Variants in TPCN1 observed in about 807,000 individuals in gnomAD.
TPCN1 encodes the protein two pore segment channel 1.
In TPCN1, 52 loss-of-function variants were observed where a neutral mutation model predicts 108.8. That is an observed-to-expected ratio of 0.48 (90% confidence interval 0.38 to 0.60). TPCN1 has a LOEUF of 0.60. Among genes scored for constraint, TPCN1 ranks in the 20% least tolerant of loss-of-function variants. The pLI, the probability that TPCN1 is intolerant of heterozygous loss-of-function variation, is 0.00. For synonymous variants in TPCN1, 446 were observed against 433.7 expected, an observed-to-expected ratio of 1.03 and a Z score of -0.35; for missense variants, 806 against 1,072.8, an observed-to-expected ratio of 0.75 and a Z score of 3.47.
intron 10 of TPCN1, among the ~76,000 whole-genome samples, chr12:113,274,611 T>G (rs1955612794): frequency 6.6e-6 from 1 of 152,210 alleles, no homozygotes; most frequent in South Asian, 2.1e-4. Flanking sequence ...GAAGGCCAAG[T>G]ATATTATAAT....
Position 113,260,429 on chromosome 12 carries a change from T to C in TPCN1, c.174T>C (p.Ser58=), listed in dbSNP as rs753930009. The C allele has an allele frequency of 1.2e-5, 18 of 1,552,940 alleles. No individual in the cohort carries two copies. Among genetic ancestry groups the C allele is most frequent in the East Asian group, 2.6e-5 (1 of 38,254 alleles). The change falls in exon 3 of 28, where the codon AGT becomes AGC. Residue 58 remains serine (S), a synonymous_variant. Transcript: ENST00000335509. Reference sequence around the variant, plus strand: ...CCAGTCTCAGCTCTGGGGGTGAGAGTTCCCCCTCCAGCCCCGCACACAACT... The same window carrying C: ...CCAGTCTCAGCTCTGGGGGTGAGAGCTCCCCCTCCAGCCCCGCACACAACT... The part of the protein sequence containing the change: ...QAPSLSSGGE[S]SPSSPAHNWE...
chr12:113,288,115 T>A lies in TPCN1; in HGVS notation c.1635-48T>A. 2 of 1,557,742 alleles carry A rather than the reference T, an allele frequency of 1.3e-6. No individual in the cohort carries two copies. Among genetic ancestry groups the A allele is most frequent in the Non-Finnish European group, 1.8e-6 (2 of 1,138,010 alleles). On this transcript the variant is annotated intron_variant, in intron 19 of 27. Transcript: ENST00000335509. This position sits in a 1 kb window ranked among gnomAD's most constrained non-coding sequence, Gnocchi z 4.8. ...GCCGGCATGTTCTGAGGGCGGGGGCTGAGGCGTGCACCTGTGTGTGGAGGT... is the reference window on the plus strand; with the variant it reads ...GCCGGCATGTTCTGAGGGCGGGGGCAGAGGCGTGCACCTGTGTGTGGAGGT...
rs758282671 is a variant in TPCN1, at chr12:113,288,801, G to A, written c.1750G>A (p.Val584Met). The A allele has an allele frequency of 4.1e-5, 66 of 1,613,362 alleles. No homozygotes were observed. Among genetic ancestry groups the A allele is most frequent in the East Asian group, 8.9e-5 (4 of 44,900 alleles). ...CATCTTTTACTACTCCTTCGCCATC[G>A]TGGGCATGGAGTTCTTCTGCGGGAT... ...LLIFYYSFAI[V>M]GMEFFCGIVF... Residue 584 changes from valine to methionine, a missense_variant, in exon 21 of 28, where the codon GTG becomes ATG. By Grantham distance (21) the Val-to-Met change is conservative (BLOSUM62 1). Transcript: ENST00000335509. This position sits in a 1 kb window ranked among gnomAD's most constrained non-coding sequence, Gnocchi z 4.8.
At chr12:113,240,187 T>C in intron 2 of TPCN1, among the ~76,000 whole-genome samples, 1 of 152,234 alleles carries the variant, frequency 6.6e-6, no homozygotes, top group East Asian at 1.9e-4. Flanking sequence ...CCAGCCTAGT[T>C]GGCCCATTTG....
intron 2 of TPCN1, among the ~76,000 whole-genome samples, chr12:113,236,684 C>T (rs966199481): frequency 4.6e-5 from 7 of 151,880 alleles, no homozygotes; most frequent in African/African-American, 1.7e-4. Context: ...CAGAGACTAG[C>T]ATGCTGGGGG....
intron 2 of TPCN1, among the ~76,000 whole-genome samples, chr12:113,228,822 A>C (rs1364715914): frequency 6.6e-6 from 1 of 152,154 alleles, no homozygotes; most frequent in Non-Finnish European, 1.5e-5. Context: ...AAGGGATGAA[A>C]GTGATTGTGG....
intron 14 of TPCN1, among the ~76,000 whole-genome samples, chr12:113,279,524 G>A (rs748863142): frequency 6.9e-6 from 1 of 144,810 alleles, no homozygotes. Context: ...TCAGCCTCCC[G>A]AGTAGCTGGG....
In TPCN1 at chr12:113,232,612, G is replaced by T. The variant is rs998346875; in HGVS notation, c.112+5648G>T. 6.6e-6 allele frequency among the ~76,000 whole-genome samples: 1 copy of T among 152,248 alleles called. No homozygotes were observed. The highest frequency in any genetic ancestry group is 2.1e-4 in the South Asian group (1 of 4,832). Reference sequence around the variant, plus strand: ...TTTGTCACTTGTGATACCATGGTGAGTGGAGTGGTTGAGCTGAGTATAGTG... The same window carrying T: ...TTTGTCACTTGTGATACCATGGTGATTGGAGTGGTTGAGCTGAGTATAGTG... On this transcript the variant is annotated intron_variant, in intron 2 of 27. Transcript: ENST00000335509. This position sits in a 1 kb window ranked among gnomAD's most constrained non-coding sequence, Gnocchi z 5.6.
In TPCN1 at chr12:113,273,496, T is replaced by A; in HGVS notation, c.843-73T>A. The A allele has an allele frequency of 7.4e-7, 1 of 1,356,420 alleles. No individual in the cohort carries two copies. The highest frequency in any genetic ancestry group is 1.1e-6 in the Non-Finnish European group (1 of 945,608). The allele number at this position is 1,356,420 out of a possible 1,614,324, so 84.0% of individuals were successfully genotyped here. On this transcript the variant is annotated intron_variant, in intron 9 of 27. Transcript: ENST00000335509. This position sits in a 1 kb window ranked among gnomAD's most constrained non-coding sequence, Gnocchi z 4.0. The stretch of plus-strand genomic sequence containing the variant: ...TGGGAAGGCAGACAAGGAGCTGTCC[T>A]CTGCAAGGCATGTGCTCTGAGAGGA...
chr12:113,221,864 CCAGGGGCTGGGAG>C (rs1953244129), intron 1 of TPCN1, among the ~76,000 whole-genome samples: 1 of 152,166 alleles, frequency 6.6e-6, no homozygotes, highest in Non-Finnish European at 1.5e-5. Context: ...GGGCTCCCAG[CCAGGGGCTGGGAG>C]CACGTGGAGC....
At chr12:113,285,018 G>A (rs1248923974) in intron 17 of TPCN1, among the ~76,000 whole-genome samples, 3 of 152,186 alleles carry the variant, frequency 2.0e-5, no homozygotes, top group Non-Finnish European at 4.4e-5. Context: ...GTTTGCCAGC[G>A]CCGTGTCCCC....
intron 2 of TPCN1, among the ~76,000 whole-genome samples, chr12:113,229,941 AC>A (rs1328233417): frequency 6.6e-6 from 1 of 151,860 alleles, no homozygotes; most frequent in Non-Finnish European, 1.5e-5. Context: ...TTCTTGCTTG[AC>A]CAGTCCCATT....
In TPCN1 at chr12:113,293,430, TGAGTA is replaced by T. The variant is rs1956333029; in HGVS notation, c.2334+85_2334+89del. On this transcript the variant is annotated intron_variant, in intron 27 of 27. Coordinates refer to ENST00000335509, the MANE Select transcript of TPCN1 (RefSeq NM_017901.6). The stretch of plus-strand genomic sequence containing the variant: ...GGCAGGGAGCTGCTCTCTGGCCCTC[TGAGTA>T]GAGGGAGAAGGCTGGTAGAGAGATG... 3.8e-6 allele frequency: 5 copies of T among 1,319,706 alleles called. 1 individual carries two copies. In the South Asian group the frequency reaches 5.9e-5, roughly 16 times the overall value. 81.7% of individuals were successfully genotyped at this position (1,319,706 alleles called of 1,614,324 possible).
chr12:113,293,378 T>C (rs769772692), intron 27 of TPCN1, 29 bp downstream of exon 27: 1 of 1,606,346 alleles, frequency 6.2e-7, no homozygotes, highest in South Asian at 1.1e-5. Context: ...ACGCTGCGAA[T>C]CCTCCCCCAA....
In TPCN1 at chr12:113,288,011, T is replaced by G. The variant is rs1417096307; in HGVS notation, c.1635-152T>G. On this transcript the variant is annotated intron_variant, in intron 19 of 27. Transcript: ENST00000335509. The surrounding 1 kb of genome is among the most constrained non-coding windows in gnomAD (Gnocchi z 4.8). Reference sequence around the variant, plus strand: ...TGAATCACCTGAGCCCAGCTCAGGGTTGGTGGCGCCCAAGGGAGTGGACGC... The same window carrying G: ...TGAATCACCTGAGCCCAGCTCAGGGGTGGTGGCGCCCAAGGGAGTGGACGC... 6 of 683,858 alleles carry G rather than the reference T, an allele frequency of 8.8e-6. No homozygotes were observed. Among genetic ancestry groups the G allele is most frequent in the Admixed American group, 5.9e-5 (2 of 33,664 alleles). The allele number at this position is 683,858 out of a possible 1,614,324, so 42.4% of individuals were successfully genotyped here.
intron 18 of TPCN1, 47 bp downstream of exon 18, chr12:113,286,008 T>C (rs1439865834): frequency 1.3e-6 from 2 of 1,536,912 alleles, no homozygotes; most frequent in Non-Finnish European, 1.8e-6. Context: ...CTCTTGAGGA[T>C]GGCCCCAGAC....
At chr12:113,260,663 G>T (rs1001194460) in intron 3 of TPCN1, among the ~76,000 whole-genome samples, 171 bp downstream of exon 3, 2 of 152,126 alleles carry the variant, frequency 1.3e-5, no homozygotes, top group African/African-American at 4.8e-5. Flanking sequence ...TGCTCATAGG[G>T]GAAAACTGCT....
At chr12:113,277,069 C>T (rs377528981) in intron 11 of TPCN1, 34 bp downstream of exon 11, 194 of 1,597,816 alleles carry the variant, frequency 1.2e-4, no homozygotes, top group Non-Finnish European at 1.6e-4. Context: ...GGCTTGGTCC[C>T]TGTCCTCCCT....
At chr12:113,279,389 A>G (rs76335955) in intron 14 of TPCN1, among the ~76,000 whole-genome samples, 2 of 15,298 alleles carry the variant, frequency 1.3e-4, no homozygotes, top group Admixed American at 1.6e-3. Flanking sequence ...ATATATATAT[A>G]TATTTTTTTT....
Sources: gnomAD v4.1 joint callset for allele counts (sites outside exome capture counted in the v4.1 genomes callset) on GRCh38, gnomAD v4.1.1 for gene constraint, Gnocchi (gnomAD v3.1) non-coding constraint, MANE v1.5 for transcripts, NCBI Gene and HGNC (gene_info 2026-07-23, HGNC 2026-07-21) for gene names.